ST3GAL2: variants seen among roughly 807,000 people sequenced by gnomAD.
ST3GAL2 encodes the protein CMP-N-acetylneuraminate-beta-galactosamide-alpha-2,3-sialyltransferase 2.
A neutral mutation model predicts 37.5 loss-of-function variants in ST3GAL2; 16 were observed. That is an observed-to-expected ratio of 0.43 (90% confidence interval 0.29 to 0.65). The LOEUF (loss-of-function observed/expected upper bound fraction) is 0.65, where lower values mean the gene tolerates loss of function less well. Among genes scored for constraint, ST3GAL2 ranks in the 30% least tolerant of loss-of-function variants. The pLI is 0.17. For missense variants in ST3GAL2, 383 were observed against 487.8 expected (o/e 0.79, Z 2.02); for synonymous variants, 238 against 202.9 (o/e 1.17, Z -1.47).
Position 70,395,185 on chromosome 16 carries a change from G to T in ST3GAL2, c.340-10C>A, listed in dbSNP as rs753609188. On this transcript the variant is annotated splice_polypyrimidine_tract_variant and intron_variant, in intron 2 of 6. Transcript: ENST00000342907. ...ACTGGGGCTGCAGCATCTGTGGAAG[G>T]GAGGGGAAGATGGGAAACGAGGAAG... The T allele has an allele frequency of 6.3e-7, 1 of 1,590,726 alleles. No individual in the cohort carries two copies. The highest frequency in any genetic ancestry group is 1.1e-5 in the South Asian group (1 of 89,206).
intron 3 of ST3GAL2, among the ~76,000 whole-genome samples, chr16:70,389,202 C>CAAGAAA (rs2047464746): frequency 3.7e-5 from 1 of 27,364 alleles, no homozygotes; most frequent in Non-Finnish European, 6.7e-5. Context: ...CCCATCTCTA[C>CAAGAAA]AAAAAAAAAA....
chr16:70,411,377 T>C (rs1034633988), intron 1 of ST3GAL2, among the ~76,000 whole-genome samples: 1 of 140,328 alleles, frequency 7.1e-6, no homozygotes, highest in Non-Finnish European at 1.5e-5. Context: ...GTGATTGCAA[T>C]AAAAAATAAA....
chr16:70,396,082 C>T (rs2047514272), intron 2 of ST3GAL2, among the ~76,000 whole-genome samples: 1 of 151,690 alleles, frequency 6.6e-6, no homozygotes, highest in African/African-American at 2.4e-5. Context: ...AGGGATTCTC[C>T]TGCCTCAGCC....
At chr16:70,425,116 G>A (rs1469128187) in intron 1 of ST3GAL2, among the ~76,000 whole-genome samples, 1 of 152,178 alleles carries the variant, frequency 6.6e-6, no homozygotes, top group Non-Finnish European at 1.5e-5. Context: ...GGAAGCTGAG[G>A]TGGAAGGATT....
At chr16:70,408,184 G>A (rs901212233) in intron 1 of ST3GAL2, among the ~76,000 whole-genome samples, 5 of 152,136 alleles carry the variant, frequency 3.3e-5, no homozygotes, top group South Asian at 2.1e-4. Context: ...TCAGCCAGGC[G>A]GAAGTGAAGA....
At chr16:70,392,515 C>T (rs527485621) in intron 3 of ST3GAL2, among the ~76,000 whole-genome samples, 3 of 152,338 alleles carry the variant, frequency 2.0e-5, no homozygotes, top group South Asian at 4.1e-4. Context: ...CATGTATCTG[C>T]GGCGTGCCTA....
chr16:70,394,324 C>T (rs2151661669), intron 3 of ST3GAL2, among the ~76,000 whole-genome samples: 1 of 152,290 alleles, frequency 6.6e-6, no homozygotes, highest in Middle Eastern at 3.4e-3. Flanking sequence ...GGGCTTGGGG[C>T]CCTCACTCCT....
intron 1 of ST3GAL2, among the ~76,000 whole-genome samples, chr16:70,414,766 G>A (rs2047663502): frequency 6.6e-6 from 1 of 152,134 alleles, no homozygotes; most frequent in South Asian, 2.1e-4. Context: ...TCCGCCTCCT[G>A]GGTTCAAGTG....
rs115499607 is a variant in ST3GAL2 at position 70,399,160 on chromosome 16, C to A, written c.-630G>T. 5.6e-3 allele frequency: 2,247 copies of A among 399,302 alleles called. 37 individuals carry two copies. Among genetic ancestry groups the A allele is most frequent in the African/African-American group, 0.041 (1,999 of 48,752 alleles). 24.7% of individuals were successfully genotyped at this position (399,302 alleles called of 1,614,324 possible). On this transcript the variant is annotated 5_prime_UTR_variant, in exon 2 of 7. Transcript: ENST00000342907. ...AAGCTCTGTGAGTGTGGGAAAACTC[C>A]GCTGCAGAGATCGAGATCCTTTCCG... is the stretch of plus-strand genomic sequence containing the variant.
At chr16:70,406,222 T>G (rs2047591393) in intron 1 of ST3GAL2, among the ~76,000 whole-genome samples, 1 of 152,004 alleles carries the variant, frequency 6.6e-6, no homozygotes, top group African/African-American at 2.4e-5. Flanking sequence ...GGTGGGCAGA[T>G]CACCTGGGGT....
chr16:70,415,574 C>G (rs1452643870), intron 1 of ST3GAL2, among the ~76,000 whole-genome samples: 2 of 152,022 alleles, frequency 1.3e-5, no homozygotes, highest in Admixed American at 1.3e-4. Context: ...GCCTCAGCCT[C>G]CTGAGTAGCT....
At chr16:70,410,545 G>A (rs118077225) in intron 1 of ST3GAL2, among the ~76,000 whole-genome samples, 7,856 of 151,614 alleles carry the variant, frequency 0.052, 291 homozygotes, top group Non-Finnish European at 0.08. Context: ...GAGCCAACAC[G>A]CCCGGCCAAC....
rs1286694394 is a variant in ST3GAL2 at position 70,379,368 on chromosome 16, C to A, written c.*2321G>T. 6.6e-6 allele frequency: 1 copy of A among 152,182 alleles called. No individual in the cohort carries two copies. Among genetic ancestry groups the A allele is most frequent in the African/African-American group, 2.4e-5 (1 of 41,444 alleles). 9.4% of individuals were successfully genotyped at this position (152,182 alleles called of 1,614,324 possible). Reference sequence around the variant, plus strand: ...CGCAGAGTCCAGGAATGAGGTGCCTCCTGTATAGGTGGGGGAGGGTATCTG... The same window carrying A: ...CGCAGAGTCCAGGAATGAGGTGCCTACTGTATAGGTGGGGGAGGGTATCTG... On this transcript the variant is annotated 3_prime_UTR_variant, in exon 7 of 7. Transcript: ENST00000342907.
chr16:70,438,068 A>G (rs1389279484), intron 1 of ST3GAL2, among the ~76,000 whole-genome samples: 2 of 152,188 alleles, frequency 1.3e-5, no homozygotes, highest in African/African-American at 4.8e-5. Context: ...GGGAGACGGG[A>G]GATGGATGCA....
intron 1 of ST3GAL2, among the ~76,000 whole-genome samples, chr16:70,411,513 C>T (rs1200469163): frequency 6.6e-6 from 1 of 152,132 alleles, no homozygotes. Flanking sequence ...CATCTCACGA[C>T]CATGAGAGAC....
intron 3 of ST3GAL2, among the ~76,000 whole-genome samples, chr16:70,394,725 C>G (rs964857116): frequency 2.6e-5 from 4 of 152,208 alleles, no homozygotes; most frequent in Admixed American, 2.0e-4. Flanking sequence ...CTAATGTCAG[C>G]TCTTTCCAGA....
chr16:70,402,528 T>A (rs2047563115), intron 1 of ST3GAL2, among the ~76,000 whole-genome samples: 1 of 151,684 alleles, frequency 6.6e-6, no homozygotes, highest in Non-Finnish European at 1.5e-5. Context: ...ATAGAGAAAA[T>A]CAAGGAAACA....
chr16:70,388,062 A>T lies in ST3GAL2; in HGVS notation c.713+305T>A, dbSNP rs192904760. On this transcript the variant is annotated intron_variant, in intron 4 of 6. Transcript: ENST00000342907. Reference sequence around the variant, plus strand: ...GGGAGGCGGATGTTGCAGTGAGCCAAGATCGCGCCATTGCACCCCGGCCTG... The same window carrying T: ...GGGAGGCGGATGTTGCAGTGAGCCATGATCGCGCCATTGCACCCCGGCCTG... 3.8e-4 allele frequency among the ~76,000 whole-genome samples: 58 copies of T among 151,882 alleles called. 1 individual carries two copies. Among genetic ancestry groups the T allele is most frequent in the Middle Eastern group, 3.4e-3 (1 of 294 alleles).
Position 70,380,601 on chromosome 16 carries a change from A to G in ST3GAL2, c.*1088T>C, listed in dbSNP as rs2047392859. ...GGAGGCAGGCGGCTTGCGGCGCGCA[A>G]GTCTCCTCTTCCCCGGCCGGCTCCC... On this transcript the variant is annotated 3_prime_UTR_variant, in exon 7 of 7. Transcript: ENST00000342907. 2 of 152,294 alleles carry G rather than the reference A, an allele frequency of 1.3e-5. No individual in the cohort carries two copies. Among genetic ancestry groups the G allele is most frequent in the South Asian group, 4.1e-4 (2 of 4,828 alleles). The allele number at this position is 152,294 out of a possible 1,614,324, so 9.4% of individuals were successfully genotyped here.
Sources: gnomAD v4.1 joint callset for allele counts (sites outside exome capture counted in the v4.1 genomes callset) on GRCh38, gnomAD v4.1.1 for gene constraint, MANE v1.5 for transcripts, NCBI Gene and HGNC (gene_info 2026-07-23, HGNC 2026-07-21) for gene names.